Variants in ANO1 observed in about 807,000 individuals in gnomAD.
ANO1 encodes the protein anoctamin 1, also known as anoctamin-1.
Under a neutral mutation model 124.0 loss-of-function variants are expected in ANO1, and 59 were observed. That is an observed-to-expected ratio of 0.48 (90% confidence interval 0.39 to 0.59). The LOEUF (loss-of-function observed/expected upper bound fraction) is 0.59. Among genes scored for constraint, ANO1 ranks in the 20% least tolerant of loss-of-function variants. The pLI, the probability that ANO1 is intolerant of heterozygous loss-of-function variation, is 0.00. For missense variants in ANO1, 1,059 were observed against 1,328.0 expected, an observed-to-expected ratio of 0.80 and a Z score of 3.15; for synonymous variants, 529 against 532.0, an observed-to-expected ratio of 0.99 and a Z score of 0.08.
At chr11:70,128,578 G>A (rs1443683891) in intron 10 of ANO1, among the ~76,000 whole-genome samples, 5 of 152,228 alleles carry the variant, frequency 3.3e-5, no homozygotes, top group Non-Finnish European at 5.9e-5. Flanking sequence ...CGCTGTGGGC[G>A]GAGATGAGGC....
At chr11:70,186,358 G>GGAAA (rs1402401972) in intron 25 of ANO1, among the ~76,000 whole-genome samples, 5 of 114,410 alleles carry the variant, frequency 4.4e-5, no homozygotes, top group Non-Finnish European at 1.0e-4. Flanking sequence ...GAGGGAGGAA[G>GGAAA]GAAGGAAGGA....
At chr11:70,098,485 A>T (rs1463235478) in intron 2 of ANO1, among the ~76,000 whole-genome samples, 1 of 151,928 alleles carries the variant, frequency 6.6e-6, no homozygotes, top group East Asian at 1.9e-4. Flanking sequence ...TCTCAGTAGC[A>T]CTCTGACCTT....
intron 2 of ANO1, among the ~76,000 whole-genome samples, chr11:70,095,582 A>G (rs1419526631): frequency 2.6e-5 from 4 of 152,220 alleles, no homozygotes; most frequent in Non-Finnish European, 4.4e-5. Context: ...TATAGTTCTG[A>G]GGTCCTCATC....
chr11:70,029,196 C>T lies in ANO1; in HGVS notation c.58+43030C>T, dbSNP rs151062786. On this transcript the variant is annotated intron_variant, in intron 1 of 27. Coordinates refer to the ANO1 transcript ENST00000531349. ...GGGTGATGGGTGAGCAAATGAGGCACGAGCAGAGCCTTCCATGCCTGGTGG... is the reference window on the plus strand; with the variant it reads ...GGGTGATGGGTGAGCAAATGAGGCATGAGCAGAGCCTTCCATGCCTGGTGG... Among the ~76,000 whole-genome samples the T allele has an allele frequency of 2.9e-3, 437 of 152,312 alleles. 12 individuals carry two copies. Among genetic ancestry groups the T allele is most frequent in the Admixed American group, 0.027 (419 of 15,302 alleles).
intron 1 of ANO1, among the ~76,000 whole-genome samples, chr11:70,022,625 A>G (rs1856829155): frequency 1.3e-5 from 2 of 151,754 alleles, no homozygotes; most frequent in African/African-American, 4.8e-5. Flanking sequence ...AAAGAATGCA[A>G]GAGTGAAGCC....
intron 6 of ANO1, among the ~76,000 whole-genome samples, chr11:70,111,344 G>T (rs2045771511): frequency 6.6e-6 from 1 of 152,154 alleles, no homozygotes; most frequent in Non-Finnish European, 1.5e-5. Flanking sequence ...CCATCTGCAG[G>T]CTTGCCCTCG....
At chr11:70,133,937 A>G (rs1306224339) in intron 11 of ANO1, among the ~76,000 whole-genome samples, 1 of 152,170 alleles carries the variant, frequency 6.6e-6, no homozygotes, top group Non-Finnish European at 1.5e-5. Context: ...ACTGTATCTC[A>G]TTCCTACCCT....
intron 8 of ANO1, among the ~76,000 whole-genome samples, chr11:70,117,583 C>T (rs979613716): frequency 2.6e-5 from 4 of 152,150 alleles, no homozygotes; most frequent in Admixed American, 6.5e-5. Flanking sequence ...ACACCCGATA[C>T]CAGCCTTCCC....
intron 16 of ANO1, 27 bp downstream of exon 16, chr11:70,157,048 C>T (rs374501035): frequency 3.8e-4 from 612 of 1,601,074 alleles, no homozygotes; most frequent in Admixed American, 6.9e-4. Flanking sequence ...TAAGGCCAGA[C>T]GAAGTCAGGG....
chr11:70,068,220 T>A (rs547648000), intron 1 of ANO1, among the ~76,000 whole-genome samples: 15 of 152,298 alleles, frequency 9.8e-5, no homozygotes, highest in African/African-American at 3.1e-4. Context: ...AGAACCTGTT[T>A]GTTTAGATTC....
At chr11:70,159,380 C>A (rs2047953642) in intron 16 of ANO1, among the ~76,000 whole-genome samples, 1 of 152,180 alleles carries the variant, frequency 6.6e-6, no homozygotes, top group African/African-American at 2.4e-5. Context: ...GGAATGAGCA[C>A]ACACTGCCAT....
At chr11:70,165,362 T>C (rs1223570451) in intron 19 of ANO1, 108 bp from the exon 20 acceptor site, 1 of 899,450 alleles carries the variant, frequency 1.1e-6, no homozygotes, top group Non-Finnish European at 1.7e-6. Flanking sequence ...AGCGTCTTTT[T>C]TTGGAGGACG....
chr11:70,080,973 G>A (rs968303088), intron 1 of ANO1, among the ~76,000 whole-genome samples: 2 of 152,226 alleles, frequency 1.3e-5, no homozygotes, highest in African/African-American at 4.8e-5. Flanking sequence ...GTCACCCAAC[G>A]AAGGCGGCTC....
the ANO1 span, among the ~76,000 whole-genome samples, chr11:69,979,848 G>T: frequency 1.3e-5 from 2 of 152,148 alleles, no homozygotes; most frequent in African/African-American, 2.4e-5. Flanking sequence ...GTCTTTCGGG[G>T]ATGTCATGGA....
intron 22 of ANO1, among the ~76,000 whole-genome samples, chr11:70,179,147 A>G (rs2048843874): frequency 1.3e-5 from 2 of 152,328 alleles, no homozygotes; most frequent in South Asian, 4.1e-4. Flanking sequence ...CACTTGCTCC[A>G]TCCTGGCCGT....
At chr11:70,103,578 T>C (rs1211563759) in intron 3 of ANO1, among the ~76,000 whole-genome samples, 1 of 152,226 alleles carries the variant, frequency 6.6e-6, no homozygotes, top group Non-Finnish European at 1.5e-5. Context: ...TTTTTCTTTT[T>C]AATCTGTGAA....
intron 2 of ANO1, among the ~76,000 whole-genome samples, chr11:70,092,997 C>G (rs764423658): frequency 4.0e-5 from 6 of 151,418 alleles, no homozygotes; most frequent in Non-Finnish European, 8.8e-5. Flanking sequence ...CTCTCTCCCT[C>G]CTTCTCTCTC....
chr11:70,133,473 G>A lies in ANO1; in HGVS notation c.1258+1394G>A, dbSNP rs570293425. 2.2e-4 allele frequency among the ~76,000 whole-genome samples: 34 copies of A among 152,312 alleles called. No individual in the cohort carries two copies. The South Asian group carries it at 5.8e-3, about 26-fold the overall frequency. On this transcript the variant is annotated intron_variant, in intron 11 of 25. Transcript: ENST00000355303. ...AGGTTCAGAGGATGAAGGTAGAGCC[G>A]GGTCTCTGGCCTGCACAGAAGCACC...
chr11:69,982,186 A>AT (rs1554996309), upstream of ANO1, among the ~76,000 whole-genome samples: 1 of 152,142 alleles, frequency 6.6e-6, no homozygotes, highest in African/African-American at 2.4e-5. Flanking sequence ...TGTGAATGTC[A>AT]CCCCAGTGAA....
Sources: allele counts gnomAD v4.1 joint callset (sites outside exome capture counted in the v4.1 genomes callset), GRCh38; gene constraint gnomAD v4.1.1; transcripts MANE v1.5; gene names NCBI Gene and HGNC (gene_info 2026-07-23, HGNC 2026-07-21).